Variants in COL4A5 observed in about 807,000 individuals in gnomAD.
The protein encoded by COL4A5 is collagen alpha-5(IV) chain.
A neutral mutation model predicts 130.2 loss-of-function variants in COL4A5; 26 were observed. That is an observed-to-expected ratio of 0.20 (90% confidence interval 0.15 to 0.28). The LOEUF is 0.28. Ranked by LOEUF, COL4A5 falls within the 10% of genes least tolerant of loss-of-function variation. The probability of loss-of-function intolerance (pLI) is 1.00; values close to 1 mark genes in which losing one functional copy is unlikely to be tolerated. For synonymous variants in COL4A5, 496 were observed against 439.6 expected (o/e 1.13, Z -1.60); for missense variants, 1,131 against 1,344.3 (o/e 0.84, Z 2.48).
At chrX:108,592,375 A>T (rs1226577308) in intron 21 of COL4A5, among the ~76,000 whole-genome samples, 1 of 110,626 alleles carries the variant, frequency 9.0e-6, no homozygotes, top group Non-Finnish European at 1.9e-5. Flanking sequence ...TTCCCTCTCT[A>T]TTCAGTCATT....
At chrX:108,548,740 A>G (rs1327998493) in intron 2 of COL4A5, among the ~76,000 whole-genome samples, 1 of 111,690 alleles carries the variant, frequency 9.0e-6, no homozygotes, top group East Asian at 2.8e-4. Context: ...CTAGAGAAAA[A>G]TTTACACCGT....
intron 1 of COL4A5, among the ~76,000 whole-genome samples, chrX:108,472,299 G>C (rs1429413417): frequency 9.0e-6 from 1 of 111,650 alleles, no homozygotes; most frequent in African/African-American, 3.3e-5. Flanking sequence ...CACTTGGGAG[G>C]AATGTGTATT....
chrX:108,505,578 T>C (rs2065116935), intron 1 of COL4A5, among the ~76,000 whole-genome samples: 1 of 111,279 alleles, frequency 9.0e-6, no homozygotes, highest in Admixed American at 9.5e-5. Context: ...TCAATATTAG[T>C]GTCCTTATAA....
At chrX:108,683,463 G>A (rs762620860) in intron 47 of COL4A5, among the ~76,000 whole-genome samples, 39 of 111,240 alleles carry the variant, frequency 3.5e-4, no homozygotes, top group Non-Finnish European at 5.7e-4. Context: ...GGATAGCATT[G>A]AATCTATAAA....
intron 1 of COL4A5, among the ~76,000 whole-genome samples, chrX:108,473,633 A>ATATATATATATATTTTTTTT: frequency 2.9e-4 from 10 of 34,558 alleles, no homozygotes; most frequent in African/African-American, 6.5e-4. Flanking sequence ...ATATATATAT[A>ATATATATATATATTTTTTTT]TTTTTTTTTT....
chrX:108,578,526 A>G, intron 13 of COL4A5, 143 bp downstream of exon 13: 1 of 483,345 alleles, frequency 2.1e-6, no homozygotes, highest in African/African-American at 2.4e-5. Flanking sequence ...TTAATTTGTC[A>G]GTTATACCTC....
chrX:108,508,602 G>A (rs190695846), intron 1 of COL4A5, among the ~76,000 whole-genome samples: 1 of 93,023 alleles, frequency 1.1e-5, no homozygotes, highest in African/African-American at 4.1e-5. Context: ...AGCCTGCATA[G>A]CCAAGGTAAT....
intron 3 of COL4A5, among the ~76,000 whole-genome samples, chrX:108,561,131 G>A (rs1012106457): frequency 6.3e-5 from 7 of 111,894 alleles, no homozygotes; most frequent in Middle Eastern, 4.6e-3. Context: ...ACGTCCATTC[G>A]TAATATTCAG....
intron 1 of COL4A5, among the ~76,000 whole-genome samples, chrX:108,537,276 CAG>C (rs759767422): frequency 2.0e-4 from 22 of 110,960 alleles, no homozygotes; most frequent in African/African-American, 5.9e-4. Context: ...CTATGAGTAC[CAG>C]AGTCATTCTC....
chrX:108,550,492 A>G (rs908015580), intron 2 of COL4A5, among the ~76,000 whole-genome samples: 2 of 112,056 alleles, frequency 1.8e-5, no homozygotes, highest in Non-Finnish European at 3.8e-5. Context: ...AATGACATTC[A>G]ATATCCATTT....
At chrX:108,469,975 T>C (rs1027391378) in intron 1 of COL4A5, among the ~76,000 whole-genome samples, 1 of 112,447 alleles carries the variant, frequency 8.9e-6, no homozygotes, top group Non-Finnish European at 1.9e-5. Context: ...TCACTCATTT[T>C]TATGGCTGTG....
chrX:108,557,404 G>C lies in COL4A5; in HGVS notation c.142-1660G>C, dbSNP rs974016391. 3.6e-5 allele frequency among the ~76,000 whole-genome samples: 4 copies of C among 111,269 alleles called. No homozygotes were observed. In the East Asian group the frequency reaches 8.4e-4, roughly 23 times the overall value. On this transcript the variant is annotated intron_variant, in intron 2 of 52. Transcript: ENST00000328300. Reference sequence around the variant, plus strand: ...TTAAACACTAATTAAAACAACAAGGGGATATATGTCTAGAAAATAAGAAGT... The same window carrying C: ...TTAAACACTAATTAAAACAACAAGGCGATATATGTCTAGAAAATAAGAAGT...
chrX:108,446,879 A>G (rs1438272626), intron 1 of COL4A5, among the ~76,000 whole-genome samples: 1 of 111,757 alleles, frequency 8.9e-6, no homozygotes, highest in Non-Finnish European at 1.9e-5. Flanking sequence ...ATCTTTTAAT[A>G]AGTCTTTACC....
At chrX:108,492,647 CACT>C (rs1485329903) in intron 1 of COL4A5, among the ~76,000 whole-genome samples, 1 of 111,598 alleles carries the variant, frequency 9.0e-6, no homozygotes, top group Non-Finnish European at 1.9e-5. Flanking sequence ...GAATATTGAG[CACT>C]ACTAGAGGAT....
At chrX:108,618,966 A>G (rs1434193766) in intron 30 of COL4A5, among the ~76,000 whole-genome samples, 1 of 111,441 alleles carries the variant, frequency 9.0e-6, no homozygotes, top group Non-Finnish European at 1.9e-5. Flanking sequence ...AAGATAAATT[A>G]TTTATATTGA....
chrX:108,440,249 C>A, intron 1 of COL4A5, 43 bp downstream of exon 1: 1 of 950,108 alleles, frequency 1.1e-6, no homozygotes, highest in Non-Finnish European at 1.5e-6. Flanking sequence ...ACCGCTCTTT[C>A]ACGCTGAAAT....
chrX:108,646,423 G>T (rs1291148439), intron 36 of COL4A5, among the ~76,000 whole-genome samples: 1 of 110,879 alleles, frequency 9.0e-6, no homozygotes, highest in African/African-American at 3.3e-5. Flanking sequence ...TTTTTGATGG[G>T]GTTGTTTGTT....
chrX:108,485,973 C>T (rs1318000430), intron 1 of COL4A5, among the ~76,000 whole-genome samples: 1 of 111,876 alleles, frequency 8.9e-6, no homozygotes, highest in African/African-American at 3.3e-5. Flanking sequence ...CTTGCTGGAA[C>T]TCAAGTTCTA....
intron 1 of COL4A5, among the ~76,000 whole-genome samples, chrX:108,450,301 C>G (rs1001592906): frequency 2.7e-5 from 3 of 111,391 alleles, no homozygotes; most frequent in Admixed American, 1.9e-4. Context: ...GCTGTGTTGC[C>G]CCAGCTGGTC....
Sources: allele counts gnomAD v4.1 joint callset (sites outside exome capture counted in the v4.1 genomes callset), GRCh38; gene constraint gnomAD v4.1.1; transcripts MANE v1.5; gene names NCBI Gene and HGNC (gene_info 2026-07-23, HGNC 2026-07-21).